MUSK: variants seen among roughly 807,000 people sequenced by gnomAD.
The protein encoded by MUSK is muscle associated receptor tyrosine kinase.
Under a neutral mutation model 88.7 loss-of-function variants are expected in MUSK, and 55 were observed. That is an observed-to-expected ratio of 0.62 (90% CI 0.50 to 0.78). The LOEUF (loss-of-function observed/expected upper bound fraction) is 0.78, where lower values mean the gene tolerates loss of function less well. MUSK is among the 30% of genes least tolerant of loss of function. The probability of loss-of-function intolerance (pLI) is 0.00; values close to 1 mark genes in which losing one functional copy is unlikely to be tolerated. For synonymous variants in MUSK, 387 were observed against 391.9 expected, an observed-to-expected ratio of 0.99 and a Z score of 0.15; for missense variants, 1,015 against 1,074.3, an observed-to-expected ratio of 0.94 and a Z score of 0.77.
rs2078071797 is a variant in MUSK at position 110,800,317 on chromosome 9, G to A, written c.1939G>A (p.Val647Ile). Reference protein sequence around the residue: ...NIVKLLGVCAVGKPMCLLFEY... With the variant: ...NIVKLLGVCAIGKPMCLLFEY... ...TCTTTTGGTTCCAGGAGTGTGTGCT[G>A]TCGGGAAGCCAATGTGCCTGCTCTT... Residue 647 changes from valine to isoleucine, a missense_variant, in exon 15 of 15, where the codon GTC becomes ATC. Val to Ile is a conservative substitution (Grantham distance 29). Coordinates refer to ENST00000374448, the MANE Select transcript of MUSK (RefSeq NM_005592.4). 2 of 1,608,552 alleles carry A rather than the reference G, an allele frequency of 1.2e-6. No homozygotes were observed. The highest frequency in any genetic ancestry group is 8.5e-7 in the Non-Finnish European group (1 of 1,175,976).
intron 1 of MUSK, among the ~76,000 whole-genome samples, chr9:110,671,936 AC>A (rs1293892003): frequency 1.3e-5 from 2 of 152,206 alleles, no homozygotes. Context: ...GTTTGAGCGT[AC>A]GTGATTTTAT....
chr9:110,764,626 GATAGATAGA>G (rs2077450363), intron 8 of MUSK, among the ~76,000 whole-genome samples: 2 of 151,926 alleles, frequency 1.3e-5, no homozygotes, highest in Non-Finnish European at 2.9e-5. Flanking sequence ...TAGATAGATA[GATAGATAGA>G]TAGGTAGGTA....
At chr9:110,691,725 G>T (rs1027054200) in intron 3 of MUSK, among the ~76,000 whole-genome samples, 27 of 152,198 alleles carry the variant, frequency 1.8e-4, no homozygotes, top group African/African-American at 6.5e-4. Context: ...GTCTACTTGG[G>T]ACATTTATTT....
At chr9:110,684,468 G>A (rs140138126) in intron 2 of MUSK, among the ~76,000 whole-genome samples, 39 of 151,090 alleles carry the variant, frequency 2.6e-4, no homozygotes, top group African/African-American at 8.6e-4. Context: ...TGGGCCTTTC[G>A]TGGTTTCACA....
chr9:110,757,647 G>T (rs2077344114), intron 7 of MUSK, among the ~76,000 whole-genome samples: 1 of 107,890 alleles, frequency 9.3e-6, no homozygotes, highest in African/African-American at 3.6e-5. Context: ...TAGCCAATTT[G>T]TCAAAAAAAA....
At chr9:110,716,614 G>GA (rs1208246765) in intron 5 of MUSK, among the ~76,000 whole-genome samples, 1 of 149,716 alleles carries the variant, frequency 6.7e-6, no homozygotes, top group Non-Finnish European at 1.5e-5. Context: ...CTTGATATTT[G>GA]AAAAAAATGA....
chr9:110,701,903 T>TATTTTATTTTATTTTATTTTATTTC (rs2076531317), intron 5 of MUSK, among the ~76,000 whole-genome samples: 2 of 126,482 alleles, frequency 1.6e-5, no homozygotes, highest in Admixed American at 9.7e-5. Context: ...TATTTTATTT[T>TATTTTATTTTATTTTATTTTATTTC]ATTTTATTTT....
rs762707937 is a variant in MUSK, at chr9:110,747,733, C to T, written c.846C>T (p.Cys282=). ...TCACCAAGCCAGGACTCTACACATG[C>T]ATAGCTACCAATAAGCATGGGGAGA... is the stretch of plus-strand genomic sequence containing the variant. The part of the protein sequence containing the change: ...LFITKPGLYT[C]IATNKHGEKF... The change falls in exon 7 of 15, where the codon TGC becomes TGT. Residue 282 remains cysteine, a synonymous_variant. Coordinates refer to ENST00000374448, the MANE Select transcript of MUSK (RefSeq NM_005592.4). The T allele has an allele frequency of 4.3e-6, 7 of 1,613,778 alleles. No individual in the cohort carries two copies. Among genetic ancestry groups the T allele is most frequent in the East Asian group, 2.2e-5 (1 of 44,890 alleles).
chr9:110,687,123 T>C lies in MUSK; in HGVS notation c.213T>C (p.Phe71=). ...WTRNKILIKL[F]DTRYSIRENG... is the part of the protein sequence containing the mutation. Reference sequence around the variant, plus strand: ...TTTTTTCTGTGACCTGCAGACTCTTTGACACCCGGTACAGCATCCGGGAGA... The same window carrying C: ...TTTTTTCTGTGACCTGCAGACTCTTCGACACCCGGTACAGCATCCGGGAGA... Residue 71 remains phenylalanine (F), a synonymous_variant, in exon 3 of 15, where the codon TTT becomes TTC. Coordinates refer to ENST00000374448, the MANE Select transcript of MUSK (RefSeq NM_005592.4). 1 of 1,612,860 alleles carries C rather than the reference T, an allele frequency of 6.2e-7. No homozygotes were observed. The highest frequency in any genetic ancestry group is 8.5e-7 in the Non-Finnish European group (1 of 1,179,288).
At chr9:110,719,953 A>G (rs1431055712) in intron 5 of MUSK, among the ~76,000 whole-genome samples, 2 of 152,066 alleles carry the variant, frequency 1.3e-5, no homozygotes, top group African/African-American at 4.8e-5. Flanking sequence ...CAAAACCATG[A>G]AAATACATGG....
At chr9:110,698,673 AT>A (rs1463157105) in intron 5 of MUSK, among the ~76,000 whole-genome samples, 2 of 152,162 alleles carry the variant, frequency 1.3e-5, no homozygotes, top group African/African-American at 4.8e-5. Flanking sequence ...TGCTCATAAA[AT>A]TTTCATTAAT....
intron 11 of MUSK, among the ~76,000 whole-genome samples, chr9:110,780,219 T>C (rs1205928584): frequency 2.6e-5 from 4 of 152,216 alleles, no homozygotes; most frequent in African/African-American, 9.6e-5. Context: ...TACTTGTTAC[T>C]GGTTATGTTT....
chr9:110,746,721 G>T (rs922496765), intron 6 of MUSK, among the ~76,000 whole-genome samples: 1 of 152,182 alleles, frequency 6.6e-6, no homozygotes, highest in South Asian at 2.1e-4. Flanking sequence ...TTCAACACCT[G>T]GATGAAGTCC....
intron 7 of MUSK, among the ~76,000 whole-genome samples, chr9:110,755,951 C>CACATATATATATACATATATATATAT (rs2077311228): frequency 6.9e-5 from 7 of 101,792 alleles, no homozygotes; most frequent in East Asian, 6.2e-4. Context: ...TATATATATA[C>CACATATATATATACATATATATATAT]ACATATATAT....
chr9:110,774,668 A>G (rs934353687), intron 9 of MUSK, among the ~76,000 whole-genome samples: 4 of 152,190 alleles, frequency 2.6e-5, no homozygotes, highest in Non-Finnish European at 5.9e-5. Flanking sequence ...TGAAAGCCCC[A>G]TTATACTCCC....
At chr9:110,789,261 T>G (rs552993141) in intron 14 of MUSK, among the ~76,000 whole-genome samples, 1 of 152,288 alleles carries the variant, frequency 6.6e-6, no homozygotes, top group Admixed American at 6.5e-5. Flanking sequence ...CAGGTGGTGG[T>G]AGTGAAGATC....
chr9:110,788,071 C>A, intron 14 of MUSK: 1 of 487,600 alleles, frequency 2.1e-6, no homozygotes, highest in Non-Finnish European at 3.7e-6. Flanking sequence ...TTGCTGCCTC[C>A]TATTTATAAA....
At position 110,668,809 on chromosome 9, in the gene MUSK, C is replaced by G. The variant is rs1485494978; in HGVS notation, c.-96C>G. On this transcript the variant is annotated 5_prime_UTR_variant, in exon 1 of 15. Transcript: ENST00000374448. Reference sequence around the variant, plus strand: ...CACAAACAGTCATTAGCAGACAACCCTTTTGCAACAAAGTATGCTTTAAAA... The same window carrying G: ...CACAAACAGTCATTAGCAGACAACCGTTTTGCAACAAAGTATGCTTTAAAA... The G allele has an allele frequency of 1.1e-6, 1 of 948,122 alleles. No individual in the cohort carries two copies. Among genetic ancestry groups the G allele is most frequent in the Non-Finnish European group, 1.7e-6 (1 of 587,940 alleles). The allele number at this position is 948,122 out of a possible 1,614,324, so 58.7% of individuals were successfully genotyped here. A position where few individuals can be genotyped will look rare whatever the true frequency, so the allele number is the denominator to read the frequency against.
chr9:110,762,291 T>C, intron 8 of MUSK, 83 bp downstream of exon 8: 2 of 1,115,748 alleles, frequency 1.8e-6, no homozygotes, highest in Non-Finnish European at 2.4e-6. Flanking sequence ...TGTGAGAGGG[T>C]CTTGTGTTGC....
Sources: allele counts gnomAD v4.1 joint callset (sites outside exome capture counted in the v4.1 genomes callset), GRCh38; gene constraint gnomAD v4.1.1; transcripts MANE v1.5; gene names NCBI Gene and HGNC (gene_info 2026-07-23, HGNC 2026-07-21).